Variants in ATP2B1 observed in about 807,000 individuals in gnomAD.
ATP2B1 encodes ATPase plasma membrane Ca2+ transporting 1, also known as plasma membrane calcium-transporting ATPase 1.
In ATP2B1, 14 loss-of-function variants were observed where a neutral mutation model predicts 124.2. The observed-to-expected ratio is 0.11, with a 90% confidence interval of 0.07 to 0.18. The LOEUF is 0.18. ATP2B1 is among the 10% of genes least tolerant of loss of function. The probability of loss-of-function intolerance (pLI) is 1.00; values close to 1 mark genes in which losing one functional copy is unlikely to be tolerated. For missense variants in ATP2B1, 763 were observed against 1,466.1 expected (o/e 0.52, Z 7.83); for synonymous variants, 449 against 492.4 (o/e 0.91, Z 1.17).
At chr12:89,645,067 T>G (rs17017154) in intron 2 of ATP2B1, among the ~76,000 whole-genome samples, 177 of 152,332 alleles carry the variant, frequency 1.2e-3, no homozygotes, top group African/African-American at 4.0e-3. Context: ...CCGGTTCACC[T>G]ACTGAAATCT....
intron 3 of ATP2B1, among the ~76,000 whole-genome samples, chr12:89,639,056 A>G (rs1883115010): frequency 6.6e-6 from 1 of 152,180 alleles, no homozygotes; most frequent in Non-Finnish European, 1.5e-5. Context: ...TATAGCATAT[A>G]TTTTCACATC....
intron 1 of ATP2B1, among the ~76,000 whole-genome samples, chr12:89,663,734 A>G (rs572518625): frequency 6.6e-6 from 1 of 152,294 alleles, no homozygotes; most frequent in South Asian, 2.1e-4. Flanking sequence ...CTTAAATCTA[A>G]TGGACACATT....
intron 15 of ATP2B1, among the ~76,000 whole-genome samples, chr12:89,605,778 A>T (rs1312844522): frequency 6.6e-6 from 1 of 152,180 alleles, no homozygotes. Context: ...TCAGGTATGG[A>T]GACCAAGAAG....
intron 2 of ATP2B1, among the ~76,000 whole-genome samples, chr12:89,644,128 A>G (rs574410387): frequency 7.2e-5 from 11 of 152,342 alleles, no homozygotes; most frequent in East Asian, 3.9e-4. Context: ...TTTCCGAAAA[A>G]AAAGAAAGAA....
intron 1 of ATP2B1, among the ~76,000 whole-genome samples, chr12:89,679,460 C>T (rs1403310250): frequency 6.6e-6 from 1 of 152,162 alleles, no homozygotes; most frequent in Non-Finnish European, 1.5e-5. Flanking sequence ...TTTTAAAAAG[C>T]TCCTGTGGAA....
chr12:89,619,766 T>C (rs1879663388), intron 11 of ATP2B1, among the ~76,000 whole-genome samples: 1 of 152,078 alleles, frequency 6.6e-6, no homozygotes, highest in Non-Finnish European at 1.5e-5. Context: ...CCAGATTGAA[T>C]GTAATGAGCT....
intron 2 of ATP2B1, among the ~76,000 whole-genome samples, chr12:89,650,794 T>C (rs1363624183): frequency 1.3e-5 from 2 of 151,902 alleles, no homozygotes; most frequent in East Asian, 3.9e-4. Context: ...AAATATAACA[T>C]AGGACCACAA....
chr12:89,693,212 T>C (rs979629404), intron 1 of ATP2B1, among the ~76,000 whole-genome samples: 2 of 152,200 alleles, frequency 1.3e-5, no homozygotes, highest in Non-Finnish European at 2.9e-5. Context: ...GAGTCTTGAA[T>C]GAAGAGTCCT....
intron 2 of ATP2B1, among the ~76,000 whole-genome samples, chr12:89,653,769 G>A (rs1229251627): frequency 6.6e-5 from 10 of 152,098 alleles, no homozygotes; most frequent in African/African-American, 1.7e-4. Context: ...AAAAGGCACC[G>A]CTCCAAATAA....
chr12:89,617,111 G>A (rs985700889), intron 11 of ATP2B1, 72 bp from the exon 12 acceptor site: 3 of 1,161,866 alleles, frequency 2.6e-6, no homozygotes, highest in Non-Finnish European at 3.8e-6. Context: ...AAGTGAACTG[G>A]CAGGCCTAGA....
chr12:89,687,895 TAC>T (rs1228754140), intron 1 of ATP2B1, among the ~76,000 whole-genome samples: 3 of 152,098 alleles, frequency 2.0e-5, no homozygotes, highest in African/African-American at 7.2e-5. Flanking sequence ...GCAAAACTCA[TAC>T]AGTATGTGCA....
At chr12:89,701,913 C>G (rs1001949979) in intron 1 of ATP2B1, among the ~76,000 whole-genome samples, 1 of 152,258 alleles carries the variant, frequency 6.6e-6, no homozygotes, top group South Asian at 2.1e-4. Context: ...TGAGGGACCA[C>G]CAGACTCTAA....
chr12:89,643,881 G>A (rs1005256932), intron 2 of ATP2B1, among the ~76,000 whole-genome samples: 2 of 152,196 alleles, frequency 1.3e-5, no homozygotes, highest in Non-Finnish European at 2.9e-5. Context: ...CCTGAGGTTG[G>A]GAGGCCGAGG....
At chr12:89,598,984 T>G (rs1185386084) in intron 20 of ATP2B1, 133 bp downstream of exon 20, 1 of 1,121,294 alleles carries the variant, frequency 8.9e-7, no homozygotes, top group East Asian at 2.4e-5. Context: ...GCACCAGTAT[T>G]ACTTTTCAAG....
rs1345690296 is a variant in ATP2B1 at position 89,652,048 on chromosome 12, T to C, written c.208+3631A>G. ...AGAAATCCAATATCGACACCCCCAA[T>C]ATTTCTGATTTCCCTTCTCCACTCA... On this transcript the variant is annotated intron_variant, in intron 2 of 20. Coordinates refer to ENST00000428670, the MANE Select transcript of ATP2B1 (RefSeq NM_001366521.1). Among the ~76,000 whole-genome samples, 4 of 152,160 alleles carry C rather than the reference T, an allele frequency of 2.6e-5. No individual in the cohort carries two copies. In the South Asian group the frequency reaches 8.3e-4, roughly 32 times the overall value.
chr12:89,648,199 T>C (rs1342743670), intron 2 of ATP2B1, among the ~76,000 whole-genome samples: 1 of 151,996 alleles, frequency 6.6e-6, no homozygotes, highest in Non-Finnish European at 1.5e-5. Flanking sequence ...CTGGAAGAGT[T>C]TGGAGGGCTT....
rs776352504 is a variant in ATP2B1 at position 89,655,811 on chromosome 12, C to T, written c.76G>A (p.Asp26Asn). Residue 26 changes from aspartate to asparagine, a missense_variant, in exon 2 of 21, where the codon GAC becomes AAC. Physicochemically the swap from Asp to Asn is conservative, Grantham distance 23 (BLOSUM62 1). Transcript: ENST00000428670. ...NSLKEANHDG[D>N]FGITLAELRA... ...AGCTCTGCGAGCGTAATTCCAAAGTCTCCATCATGATTAGCTTCCTTCAAA... is the reference window on the plus strand; with the variant it reads ...AGCTCTGCGAGCGTAATTCCAAAGTTTCCATCATGATTAGCTTCCTTCAAA... 3.7e-6 allele frequency: 6 copies of T among 1,614,038 alleles called. No homozygotes were observed. The East Asian group carries it at 1.1e-4, about 30-fold the overall frequency.
At chr12:89,650,627 G>A (rs970638596) in intron 2 of ATP2B1, among the ~76,000 whole-genome samples, 1 of 152,168 alleles carries the variant, frequency 6.6e-6, no homozygotes, top group African/African-American at 2.4e-5. Flanking sequence ...ACAAGTCCAT[G>A]AAGCCATGCC....
chr12:89,681,193 A>G (rs1373445328), intron 1 of ATP2B1, among the ~76,000 whole-genome samples: 1 of 152,194 alleles, frequency 6.6e-6, no homozygotes, highest in Non-Finnish European at 1.5e-5. Flanking sequence ...ATAACGTAGG[A>G]AAAATGCACA....
Sources: allele counts gnomAD v4.1 joint callset (sites outside exome capture counted in the v4.1 genomes callset), GRCh38; gene constraint gnomAD v4.1.1; transcripts MANE v1.5; gene names NCBI Gene and HGNC (gene_info 2026-07-23, HGNC 2026-07-21).